The following HDDC2 variants were observed in gnomAD, a reference collection of about 807,000 sequenced individuals.
HDDC2 encodes the protein HD domain containing 2, also known as 5'-deoxynucleotidase HDDC2.
A neutral mutation model predicts 25.5 loss-of-function variants in HDDC2; 25 were observed. The ratio of observed to expected loss-of-function variants is 0.98; its 90% CI spans 0.72 to 1.37. The LOEUF (loss-of-function observed/expected upper bound fraction) is 1.37, where lower values mean the gene tolerates loss of function less well. HDDC2 is among the 40% of genes most tolerant of loss of function. HDDC2 has a pLI of 0.00. For missense variants in HDDC2, 264 were observed against 253.1 expected (o/e 1.04, Z -0.29); for synonymous variants, 106 against 89.7 (o/e 1.18, Z -1.03).
chr6:125,279,091 G>T (rs1026693133), intron 4 of HDDC2: 3 of 152,208 alleles, frequency 2.0e-5, no homozygotes, highest in Non-Finnish European at 2.9e-5. Context: ...ATCAGCATGG[G>T]AGTAAGAGAG....
chr6:125,285,721 C>T (rs1337164812), intron 4 of HDDC2, among the ~76,000 whole-genome samples: 1 of 151,866 alleles, frequency 6.6e-6, no homozygotes, highest in African/African-American at 2.4e-5. Flanking sequence ...GAATAAGCAA[C>T]ATGAAGATAC....
chr6:125,300,711 C>T, intron 1 of HDDC2, 52 bp from the exon 2 acceptor site: 1 of 1,551,248 alleles, frequency 6.4e-7, no homozygotes, highest in Non-Finnish European at 8.8e-7. Context: ...TATTAACTAT[C>T]TGCTATGCTC....
chr6:125,283,829 T>C (rs1010038014), intron 4 of HDDC2, among the ~76,000 whole-genome samples: 2 of 152,166 alleles, frequency 1.3e-5, no homozygotes, highest in African/African-American at 4.8e-5. Flanking sequence ...AAATTTCATA[T>C]GGAACCAAAA....
intron 4 of HDDC2, among the ~76,000 whole-genome samples, chr6:125,288,760 G>A: frequency 7.2e-6 from 1 of 138,506 alleles, no homozygotes; most frequent in East Asian, 2.0e-4. Context: ...TCAGAGAAAT[G>A]CAAATCAAAA....
At chr6:125,292,363 A>T (rs1798644861) in intron 4 of HDDC2, among the ~76,000 whole-genome samples, 1 of 152,028 alleles carries the variant, frequency 6.6e-6, no homozygotes, top group South Asian at 2.1e-4. Context: ...GGGAGTGAGC[A>T]CTGGTAGAGC....
chr6:125,289,821 T>C (rs918038457), intron 4 of HDDC2, among the ~76,000 whole-genome samples: 1 of 152,214 alleles, frequency 6.6e-6, no homozygotes, highest in Non-Finnish European at 1.5e-5. Flanking sequence ...CGGTGGGGTG[T>C]ACTAGGCATT....
intron 3 of HDDC2, among the ~76,000 whole-genome samples, chr6:125,297,305 T>C (rs1798719125): frequency 6.6e-6 from 1 of 152,324 alleles, no homozygotes; most frequent in Admixed American, 6.5e-5. Flanking sequence ...GCAGTGCAGA[T>C]TCATATAGAG....
chr6:125,290,925 A>C (rs937250063), intron 4 of HDDC2, among the ~76,000 whole-genome samples: 2 of 152,232 alleles, frequency 1.3e-5, no homozygotes, highest in Admixed American at 1.3e-4. Context: ...TACTACTGCA[A>C]GTAAATTTTG....
intron 4 of HDDC2, among the ~76,000 whole-genome samples, chr6:125,287,719 G>A (rs935182114): frequency 6.6e-6 from 1 of 152,178 alleles, no homozygotes; most frequent in Non-Finnish European, 1.5e-5. Context: ...ACATGGCCCC[G>A]AGAGGAAGAC....
At chr6:125,293,457 T>A (rs958847511) in intron 3 of HDDC2, among the ~76,000 whole-genome samples, 2 of 152,230 alleles carry the variant, frequency 1.3e-5, no homozygotes, top group Non-Finnish European at 2.9e-5. Context: ...TAGAATTTTG[T>A]AGGCTCACAG....
In HDDC2 at chr6:125,300,588, C is replaced by A; in HGVS notation, c.156G>T (p.Arg52=). The A allele has an allele frequency of 1.2e-6, 2 of 1,614,174 alleles. No individual in the cohort carries two copies. Among genetic ancestry groups the A allele is most frequent in the Non-Finnish European group, 1.7e-6 (2 of 1,180,022 alleles). ...RPESVSDHMY[R]MAVMAMVIKD... The stretch of plus-strand genomic sequence containing the variant: ...TGATCACCATAGCCATAACTGCCAT[C>A]CGGTACATGTGATCTGAAACGCTCT... Residue 52 remains arginine, a synonymous_variant, in exon 2 of 6, where the codon CGG becomes CGT. Coordinates refer to ENST00000398153, the MANE Select transcript of HDDC2 (RefSeq NM_016063.3).
chr6:125,301,916 G>A lies in HDDC2; in HGVS notation c.17C>T (p.Ser6Phe), dbSNP rs866938260. The change falls in exon 1 of 6, where the codon TCT becomes TTT. Residue 6 changes from serine (S) to phenylalanine (F), a missense_variant. Physicochemically the swap from Ser to Phe is radical, Grantham distance 155. Coordinates refer to ENST00000398153, the MANE Select transcript of HDDC2 (RefSeq NM_016063.3). Reference sequence around the variant, plus strand: ...AGCCCCGTGGCCCGAGAAGGTCGCAGAGGAGACCGAAGCCATGCGGCCACC... The same window carrying A: ...AGCCCCGTGGCCCGAGAAGGTCGCAAAGGAGACCGAAGCCATGCGGCCACC... MASVSSATFSGHGARS... is the reference protein window; with the variant it reads MASVSFATFSGHGARS... The A allele has an allele frequency of 8.4e-6, 13 of 1,550,980 alleles. No homozygotes were observed. The African/African-American group carries it at 1.5e-4, about 18-fold the overall frequency.
intron 2 of HDDC2, 136 bp downstream of exon 2, chr6:125,300,402 G>T: frequency 1.9e-6 from 2 of 1,072,672 alleles, no homozygotes; most frequent in Non-Finnish European, 2.6e-6. Context: ...TCCTAAATTT[G>T]TATGGTTTGC....
intron 5 of HDDC2, 45 bp downstream of exon 5, chr6:125,277,057 T>C (rs761430840): frequency 6.2e-7 from 1 of 1,607,998 alleles, no homozygotes. Flanking sequence ...CTACACTGAG[T>C]AAGCCAAACT....
chr6:125,289,225 G>A (rs1254486332), intron 4 of HDDC2, among the ~76,000 whole-genome samples: 18 of 131,560 alleles, frequency 1.4e-4, no homozygotes, highest in South Asian at 4.6e-4. Context: ...GTAAACTATC[G>A]CAAGAACAAA....
rs1038845987 is a variant in HDDC2, at chr6:125,276,238, A to G, written c.523T>C (p.Phe175Leu). 3.7e-6 allele frequency: 6 copies of G among 1,613,046 alleles called. No individual in the cohort carries two copies. The highest frequency in any genetic ancestry group is 3.4e-6 in the Non-Finnish European group (4 of 1,179,088). Reference sequence around the variant, plus strand: ...AGCTGGACTATCTCAGGGTGATTGAATTTTCCTGCAAAGCAAAAGAACAGG... The same window carrying G: ...AGCTGGACTATCTCAGGGTGATTGAGTTTTCCTGCAAAGCAAAAGAACAGG... ...QDFYDSTAGK[F>L]NHPEIVQLVS... The change falls in exon 6 of 6, where the codon TTC becomes CTC. Residue 175 changes from phenylalanine to leucine, a missense_variant. Coordinates refer to ENST00000398153, the MANE Select transcript of HDDC2 (RefSeq NM_016063.3).
intron 3 of HDDC2, among the ~76,000 whole-genome samples, chr6:125,296,744 T>C (rs1255849946): frequency 1.3e-5 from 2 of 152,186 alleles, no homozygotes; most frequent in Non-Finnish European, 2.9e-5. Context: ...TGGAAAGGTT[T>C]TTCATCAAAG....
rs1391563819 is a variant in HDDC2 at position 125,292,929 on chromosome 6, T to C, written c.310-20A>G. 1.3e-6 allele frequency: 2 copies of C among 1,560,468 alleles called. No individual in the cohort carries two copies. Among genetic ancestry groups the C allele is most frequent in the Admixed American group, 1.7e-5 (1 of 59,938 alleles). ...AGCTTCCTGAAATATTAAACCATTA[T>C]CTTTAATTATATTGACATTTATCAC... On this transcript the variant is annotated intron_variant, in intron 3 of 5. Coordinates refer to ENST00000398153, the MANE Select transcript of HDDC2 (RefSeq NM_016063.3).
chr6:125,275,593 C>T lies in HDDC2; in HGVS notation c.*553G>A, dbSNP rs940408470. 2.0e-5 allele frequency: 3 copies of T among 152,394 alleles called. No homozygotes were observed. Among genetic ancestry groups the T allele is most frequent in the African/African-American group, 7.2e-5 (3 of 41,410 alleles). 9.4% of individuals were successfully genotyped at this position (152,394 alleles called of 1,614,324 possible). A position where few individuals can be genotyped will look rare whatever the true frequency, so the allele number is the denominator to read the frequency against. ...AAAGTATTGGGAAGAGGGGCAGAGC[C>T]TATTAGTAGGTTTACAAGCCTATGA... On this transcript the variant is annotated 3_prime_UTR_variant, in exon 6 of 6. Coordinates refer to ENST00000398153, the MANE Select transcript of HDDC2 (RefSeq NM_016063.3).
Sources: gnomAD v4.1 joint callset for allele counts (sites outside exome capture counted in the v4.1 genomes callset) on GRCh38, gnomAD v4.1.1 for gene constraint, MANE v1.5 for transcripts, NCBI Gene and HGNC (gene_info 2026-07-23, HGNC 2026-07-21) for gene names.